HAPSTR1: variants seen among roughly 807,000 people sequenced by gnomAD.
HAPSTR1 encodes the protein HUWE1-associated protein modifying stress responses 1.
At chr16:9,111,704 C>A in the HAPSTR1 span, 1 of 152,120 alleles carries the variant, frequency 6.6e-6, no homozygotes, top group Non-Finnish European at 1.5e-5. Flanking sequence ...TTTTGATATT[C>A]ATTCAAGTTC....
chr16:9,102,860 C>T, the HAPSTR1 span: 1 of 919,840 alleles, frequency 1.1e-6, no homozygotes, highest in Non-Finnish European at 1.6e-6. Flanking sequence ...GTTTATATTA[C>T]TGATGGGCTC....
At chr16:9,105,424 CAT>C in the HAPSTR1 span, 1 of 152,140 alleles carries the variant, frequency 6.6e-6, no homozygotes, top group Non-Finnish European at 1.5e-5. Context: ...TCTACAGAAA[CAT>C]AAATTATACT....
the HAPSTR1 span, among the ~76,000 whole-genome samples, chr16:9,099,232 G>T: frequency 6.7e-6 from 1 of 150,286 alleles, no homozygotes; most frequent in Non-Finnish European, 1.5e-5. Context: ...GGAGTCTTGC[G>T]TGTCACCCAG....
chr16:9,092,690 A>G, the HAPSTR1 span, among the ~76,000 whole-genome samples: 4 of 151,880 alleles, frequency 2.6e-5, no homozygotes, highest in African/African-American at 7.3e-5. Context: ...CTCGTCCCTG[A>G]TCTGTGCCCC....
chr16:9,118,899 T>C, the HAPSTR1 span: 1 of 152,630 alleles, frequency 6.6e-6, no homozygotes, highest in East Asian at 1.9e-4. Context: ...TGGATAACAA[T>C]TTTTTGGTTG....
At chr16:9,103,879 T>C in the HAPSTR1 span, 2 of 152,572 alleles carry the variant, frequency 1.3e-5, no homozygotes, top group East Asian at 3.8e-4. Flanking sequence ...TAAGGGATTT[T>C]AGTATTGCTG....
At chr16:9,102,235 A>T in the HAPSTR1 span, among the ~76,000 whole-genome samples, 3 of 152,272 alleles carry the variant, frequency 2.0e-5, no homozygotes, top group South Asian at 4.1e-4. Context: ...TTAAAGACAT[A>T]CTGGTGATGT....
the HAPSTR1 span, among the ~76,000 whole-genome samples, chr16:9,097,012 G>A: frequency 5.9e-5 from 9 of 151,788 alleles, no homozygotes; most frequent in African/African-American, 1.2e-4. Context: ...GCGTGATCTC[G>A]GCTCACTGCA....
At chr16:9,109,298 A>G in the HAPSTR1 span, 16 of 152,062 alleles carry the variant, frequency 1.1e-4, no homozygotes, top group African/African-American at 3.6e-4. Context: ...AGGTATAATC[A>G]TGAGGGTTAG....
At chr16:9,115,299 C>T in the HAPSTR1 span, among the ~76,000 whole-genome samples, 1 of 152,180 alleles carries the variant, frequency 6.6e-6, no homozygotes, top group Non-Finnish European at 1.5e-5. Flanking sequence ...GAATGGGCCC[C>T]TGTCAAATGA....
chr16:9,117,719 A>C, the HAPSTR1 span: 1 of 152,472 alleles, frequency 6.6e-6, no homozygotes, highest in Non-Finnish European at 1.5e-5. Flanking sequence ...GAGGTGACCT[A>C]AAGTAGAGAG....
chr16:9,093,742 GA>G, the HAPSTR1 span, among the ~76,000 whole-genome samples: 1 of 152,130 alleles, frequency 6.6e-6, no homozygotes, highest in Non-Finnish European at 1.5e-5. Context: ...ATGACATGAA[GA>G]TGTGTAAGTA....
At chr16:9,100,565 A>G in the HAPSTR1 span, among the ~76,000 whole-genome samples, 1 of 150,256 alleles carries the variant, frequency 6.7e-6, no homozygotes, top group Non-Finnish European at 1.5e-5. Flanking sequence ...AGAGAGTCTT[A>G]CTCTTTCGCC....
chr16:9,093,869 GA>G, the HAPSTR1 span, among the ~76,000 whole-genome samples: 1 of 151,518 alleles, frequency 6.6e-6, no homozygotes, highest in Non-Finnish European at 1.5e-5. Flanking sequence ...GATTTTTATG[GA>G]AAAAGGATTT....
At chr16:9,095,784 CAG>C in the HAPSTR1 span, among the ~76,000 whole-genome samples, 1 of 152,086 alleles carries the variant, frequency 6.6e-6, no homozygotes, top group Non-Finnish European at 1.5e-5. Context: ...TCAGCAAGGA[CAG>C]AATTCAATAA....
chr16:9,109,682 A>G, the HAPSTR1 span: 2 of 152,272 alleles, frequency 1.3e-5, no homozygotes, highest in East Asian at 1.9e-4. Flanking sequence ...AATCTTCCCA[A>G]TTGTAAGTTC....
At chr16:9,093,668 G>A in the HAPSTR1 span, among the ~76,000 whole-genome samples, 1 of 152,196 alleles carries the variant, frequency 6.6e-6, no homozygotes, top group Non-Finnish European at 1.5e-5. Context: ...TCTGTTGAGA[G>A]TTTTGAGTCC....
the HAPSTR1 span, among the ~76,000 whole-genome samples, chr16:9,115,132 C>T: frequency 3.9e-5 from 6 of 152,020 alleles, no homozygotes; most frequent in Admixed American, 2.6e-4. Context: ...TCAGCATGTG[C>T]GATGATAGTG....
the HAPSTR1 span, among the ~76,000 whole-genome samples, chr16:9,100,902 C>CG: frequency 1.1e-4 from 17 of 152,262 alleles, no homozygotes; most frequent in East Asian, 2.7e-3. Context: ...ATGCTTTAGA[C>CG]TTTTTTTCCT....
Sources: allele counts gnomAD v4.1 joint callset (sites outside exome capture counted in the v4.1 genomes callset), GRCh38; gene constraint gnomAD v4.1.1; transcripts MANE v1.5; gene names NCBI Gene and HGNC (gene_info 2026-07-23, HGNC 2026-07-21).